PUDP: variants seen among roughly 807,000 people sequenced by gnomAD.
PUDP encodes the protein pseudouridine-5'-phosphatase.
A neutral mutation model predicts 9.4 loss-of-function variants in PUDP; 8 were observed. That is an observed-to-expected ratio of 0.85 (90% confidence interval 0.50 to 1.53). The LOEUF is 1.53. Ranked by LOEUF, PUDP falls within the 40% of genes most tolerant of loss-of-function variation. The pLI is 0.00. For synonymous variants in PUDP, 99 were observed against 80.7 expected (o/e 1.23, Z -1.22); for missense variants, 188 against 189.7 (o/e 0.99, Z 0.05).
intron 1 of PUDP, among the ~76,000 whole-genome samples, chrX:6,983,911 A>T (rs1569135245): frequency 8.9e-6 from 1 of 112,465 alleles, no homozygotes; most frequent in East Asian, 2.8e-4. Flanking sequence ...ATTCCCAAAA[A>T]TTATGTAACA....
chrX:6,721,623 T>C (rs1284630454), upstream of PUDP: 4 of 112,125 alleles, frequency 3.6e-5, no homozygotes, highest in African/African-American at 1.3e-4. Flanking sequence ...CTATAGGACA[T>C]AAAAGCCCAT....
In PUDP at chrX:7,084,361, C is replaced by T. The variant is rs555740170; in HGVS notation, c.281-6912G>A. ...GCCGTCTGTTTTCCTCATCCTCGTA[C>T]TCCATCCTCTCTGTTCTTAGGAATG... On this transcript the variant is annotated intron_variant, in intron 2 of 3. Transcript: ENST00000381077. Among the ~76,000 whole-genome samples the T allele has an allele frequency of 5.9e-4, 66 of 112,601 alleles. 1 individual carries two copies. In the South Asian group the frequency reaches 0.023, roughly 39 times the overall value.
chrX:7,037,124 G>T (rs1285275589), intron 1 of PUDP, among the ~76,000 whole-genome samples: 1 of 111,016 alleles, frequency 9.0e-6, no homozygotes, highest in Non-Finnish European at 1.9e-5. Context: ...CTAGAATTTT[G>T]GGCAAAGTTC....
At chrX:6,740,586 T>C (rs949468983) in intron 3 of PUDP, among the ~76,000 whole-genome samples, 1 of 111,152 alleles carries the variant, frequency 9.0e-6, no homozygotes, top group African/African-American at 3.3e-5. Flanking sequence ...AGTATTGTAA[T>C]CACTTTTTCC....
chrX:7,110,784 TG>T (rs1932024660), intron 1 of PUDP, among the ~76,000 whole-genome samples: 1 of 109,866 alleles, frequency 9.1e-6, no homozygotes, highest in Admixed American at 9.7e-5. Flanking sequence ...AGGTGCTCAG[TG>T]GGGGAGCTTC....
At chrX:6,950,954 T>G (rs1350401263) in intron 3 of PUDP, among the ~76,000 whole-genome samples, 3 of 56,323 alleles carry the variant, frequency 5.3e-5, no homozygotes, top group Middle Eastern at 0.011. Context: ...GGTTGTGTGT[T>G]TTTTTTTTTT....
chrX:6,907,414 T>C (rs1444874252), intron 3 of PUDP, among the ~76,000 whole-genome samples: 2 of 111,880 alleles, frequency 1.8e-5, no homozygotes, highest in Non-Finnish European at 3.8e-5. Context: ...TACTCAAACA[T>C]TGTTTCCTTC....
intron 3 of PUDP, among the ~76,000 whole-genome samples, chrX:6,846,130 A>AT (rs1295858242): frequency 1.8e-5 from 2 of 111,451 alleles, no homozygotes; most frequent in African/African-American, 3.3e-5. Flanking sequence ...AACATTGGAA[A>AT]TTTTTTTTGA....
intron 3 of PUDP, among the ~76,000 whole-genome samples, chrX:6,776,036 G>A (rs1398874983): frequency 8.9e-6 from 1 of 112,099 alleles, no homozygotes; most frequent in Non-Finnish European, 1.9e-5. Context: ...CGGTGGCTGT[G>A]CCACTTTACA....
intron 1 of PUDP, among the ~76,000 whole-genome samples, chrX:6,979,078 A>G (rs1215916671): frequency 4.5e-5 from 5 of 111,972 alleles, no homozygotes; most frequent in African/African-American, 1.6e-4. Flanking sequence ...ATTAATACCT[A>G]ATGTTATATA....
chrX:6,916,246 A>C (rs73627100), intron 3 of PUDP, among the ~76,000 whole-genome samples: 848 of 71,558 alleles, frequency 0.012, 20 homozygotes, highest in African/African-American at 0.052. Context: ...ACACACACAC[A>C]CACCCTGGGG....
chrX:7,035,387 CTGATA>C (rs748160290), intron 1 of PUDP, among the ~76,000 whole-genome samples: 1 of 111,600 alleles, frequency 9.0e-6, no homozygotes, highest in Non-Finnish European at 1.9e-5. Context: ...GCAGTTTTGC[CTGATA>C]TAAGTTTTAA....
At chrX:7,036,794 C>T (rs1295663159) in intron 1 of PUDP, among the ~76,000 whole-genome samples, 3 of 111,631 alleles carry the variant, frequency 2.7e-5, no homozygotes, top group Non-Finnish European at 5.6e-5. Flanking sequence ...GCTCCCTTTT[C>T]ATTCTCATTT....
At chrX:6,928,377 C>G (rs1048197399) in intron 3 of PUDP, among the ~76,000 whole-genome samples, 2 of 111,380 alleles carry the variant, frequency 1.8e-5, no homozygotes, top group African/African-American at 6.5e-5. Context: ...GGGAGGACAT[C>G]AGAGAGACCT....
chrX:6,854,981 A>G (rs1264361723), intron 3 of PUDP, among the ~76,000 whole-genome samples: 1 of 111,802 alleles, frequency 8.9e-6, no homozygotes, highest in Non-Finnish European at 1.9e-5. Context: ...ACCTTGGTAT[A>G]ATTTCATGAG....
intron 1 of PUDP, among the ~76,000 whole-genome samples, chrX:7,043,381 T>C (rs1929947676): frequency 9.0e-6 from 1 of 110,974 alleles, no homozygotes; most frequent in South Asian, 3.9e-4. Context: ...TTTCTCTTGC[T>C]TCTTCTCTCT....
At chrX:6,819,520 A>G (rs906701950) in intron 3 of PUDP, among the ~76,000 whole-genome samples, 2 of 112,560 alleles carry the variant, frequency 1.8e-5, no homozygotes, top group Non-Finnish European at 3.7e-5. Flanking sequence ...GAGTGCTACT[A>G]AACGAAATTT....
At chrX:6,897,552 A>G (rs1226549144) in intron 3 of PUDP, among the ~76,000 whole-genome samples, 3 of 110,946 alleles carry the variant, frequency 2.7e-5, no homozygotes, top group Non-Finnish European at 1.9e-5. Flanking sequence ...AGTGTCTGTG[A>G]CCTTGGGCAG....
At chrX:6,950,406 C>CT (rs768745445) in intron 3 of PUDP, among the ~76,000 whole-genome samples, 1,526 of 68,557 alleles carry the variant, frequency 0.022, 68 homozygotes, top group African/African-American at 0.048. Flanking sequence ...TTAGTCATTT[C>CT]TTTTTTTTTT....
Sources: allele counts gnomAD v4.1 joint callset (sites outside exome capture counted in the v4.1 genomes callset), GRCh38; gene constraint gnomAD v4.1.1; transcripts MANE v1.5; gene names NCBI Gene and HGNC (gene_info 2026-07-23, HGNC 2026-07-21).